ARHGAP42: variants seen among roughly 807,000 people sequenced by gnomAD.
ARHGAP42 encodes Rho GTPase activating protein 42, also known as rho GTPase-activating protein 42.
ARHGAP42 carries 63 observed loss-of-function variants against 125.0 expected under a neutral mutation model. That is an observed-to-expected ratio of 0.50 (90% CI 0.41 to 0.62). ARHGAP42 has a LOEUF of 0.62. Ranked by LOEUF, ARHGAP42 falls within the 20% of genes least tolerant of loss-of-function variation. The pLI is 0.00. For synonymous variants in ARHGAP42, 339 were observed against 351.0 expected (o/e 0.97, Z 0.38); for missense variants, 766 against 1,024.2 (o/e 0.75, Z 3.44).
intron 1 of ARHGAP42, among the ~76,000 whole-genome samples, chr11:100,692,244 C>T (rs1282422648): frequency 6.6e-6 from 1 of 151,998 alleles, no homozygotes; most frequent in Non-Finnish European, 1.5e-5. Context: ...ATAATGGACT[C>T]TTGTATACAT....
intron 1 of ARHGAP42, among the ~76,000 whole-genome samples, chr11:100,731,841 C>G (rs1861963809): frequency 6.6e-6 from 1 of 152,152 alleles, no homozygotes; most frequent in South Asian, 2.1e-4. Context: ...CACACAGAGC[C>G]CTTCCCTCAC....
intron 4 of ARHGAP42, among the ~76,000 whole-genome samples, chr11:100,897,636 CTGTT>C (rs556536886): frequency 3.0e-4 from 46 of 152,210 alleles, no homozygotes; most frequent in African/African-American, 9.2e-4. Flanking sequence ...ATTTGGCTCT[CTGTT>C]TGTCTGTAAT....
chr11:100,844,209 C>T (rs1332308798), intron 3 of ARHGAP42, among the ~76,000 whole-genome samples: 1 of 151,962 alleles, frequency 6.6e-6, no homozygotes, highest in Non-Finnish European at 1.5e-5. Flanking sequence ...AAGGACACCC[C>T]ATTGAACAAA....
intron 1 of ARHGAP42, among the ~76,000 whole-genome samples, chr11:100,760,125 T>C (rs945549780): frequency 2.6e-5 from 4 of 152,184 alleles, no homozygotes; most frequent in Middle Eastern, 3.2e-3. Flanking sequence ...TATCTTAATG[T>C]TATTGTAGCC....
At chr11:100,895,007 A>G (rs933635959) in intron 4 of ARHGAP42, among the ~76,000 whole-genome samples, 1 of 152,168 alleles carries the variant, frequency 6.6e-6, no homozygotes, top group Non-Finnish European at 1.5e-5. Context: ...GGACCACCAT[A>G]AAAATAACTG....
At chr11:100,875,761 CG>C (rs66825732) in intron 4 of ARHGAP42, among the ~76,000 whole-genome samples, 34,647 of 151,714 alleles carry the variant, frequency 0.23, 4,024 homozygotes, top group African/African-American at 0.29. Flanking sequence ...TCCAGGGTGG[CG>C]GGGGGTGACT....
At chr11:100,911,411 A>G (rs1269240791) in intron 4 of ARHGAP42, among the ~76,000 whole-genome samples, 3 of 152,192 alleles carry the variant, frequency 2.0e-5, no homozygotes, top group Admixed American at 2.0e-4. Context: ...TGAGCATTCA[A>G]AAAGGAGAGA....
rs184260587 is a variant in ARHGAP42 at position 100,749,684 on chromosome 11, C to T, written c.155-20659C>T. On this transcript the variant is annotated intron_variant, in intron 1 of 23. Coordinates refer to ENST00000298815, the MANE Select transcript of ARHGAP42 (RefSeq NM_152432.4). ...ATAGGCGTACCGATATAACTTCCAC[C>T]GCAGGATCTGCCTTAAGCCATATGA... is the stretch of plus-strand genomic sequence containing the variant. Among the ~76,000 whole-genome samples, 306 of 152,280 alleles carry T rather than the reference C, an allele frequency of 2.0e-3. 2 individuals are homozygous for T. The highest frequency in any genetic ancestry group is 5.0e-3 in the Admixed American group (76 of 15,300).
At chr11:100,894,504 T>G (rs1255852219) in intron 4 of ARHGAP42, among the ~76,000 whole-genome samples, 1 of 152,178 alleles carries the variant, frequency 6.6e-6, no homozygotes, top group East Asian at 1.9e-4. Flanking sequence ...TATATTTTTG[T>G]GACTGAAAAT....
chr11:100,829,266 G>A (rs1251847403), intron 3 of ARHGAP42, among the ~76,000 whole-genome samples: 4 of 151,934 alleles, frequency 2.6e-5, no homozygotes, highest in Admixed American at 6.6e-5. Context: ...AGGCCAAGGC[G>A]GGAGGATCAC....
intron 4 of ARHGAP42, among the ~76,000 whole-genome samples, chr11:100,875,471 G>C (rs1448224830): frequency 6.6e-6 from 1 of 152,160 alleles, no homozygotes; most frequent in Non-Finnish European, 1.5e-5. Flanking sequence ...CTTGACCTTG[G>C]TCAGACATTG....
At chr11:100,752,603 T>A (rs1467518150) in intron 1 of ARHGAP42, among the ~76,000 whole-genome samples, 7 of 152,168 alleles carry the variant, frequency 4.6e-5, no homozygotes, top group Non-Finnish European at 5.9e-5. Context: ...TGGTGCTGGG[T>A]AATGTCTGCA....
At chr11:100,817,270 C>A (rs1246447292) in intron 3 of ARHGAP42, among the ~76,000 whole-genome samples, 1 of 152,090 alleles carries the variant, frequency 6.6e-6, no homozygotes, top group African/African-American at 2.4e-5. Context: ...TTGTGACAAC[C>A]CAACACGTCT....
At chr11:100,869,300 A>G (rs1455495399) in intron 4 of ARHGAP42, among the ~76,000 whole-genome samples, 2 of 152,154 alleles carry the variant, frequency 1.3e-5, no homozygotes, top group African/African-American at 4.8e-5. Context: ...CAAGAGGTGA[A>G]TATATACTGT....
intron 2 of ARHGAP42, among the ~76,000 whole-genome samples, chr11:100,777,906 G>A (rs1241156491): frequency 6.6e-6 from 1 of 152,072 alleles, no homozygotes; most frequent in Non-Finnish European, 1.5e-5. Context: ...AACTGGGCGG[G>A]GTGTGATAGT....
At chr11:100,799,501 A>G (rs1298796290) in intron 3 of ARHGAP42, among the ~76,000 whole-genome samples, 1 of 152,200 alleles carries the variant, frequency 6.6e-6, no homozygotes, top group Non-Finnish European at 1.5e-5. Context: ...AAAGAAGTCT[A>G]ACTTCCACAG....
intron 10 of ARHGAP42, among the ~76,000 whole-genome samples, chr11:100,947,920 C>T (rs939037233): frequency 5.6e-4 from 85 of 151,908 alleles, no homozygotes; most frequent in African/African-American, 1.9e-3. Flanking sequence ...AGAATGACTG[C>T]ATGGGAGAGA....
intron 6 of ARHGAP42, among the ~76,000 whole-genome samples, chr11:100,926,184 G>T (rs1384018596): frequency 6.6e-6 from 1 of 152,162 alleles, no homozygotes; most frequent in Non-Finnish European, 1.5e-5. Context: ...TACTTAGTTG[G>T]ACTGATGTTT....
In ARHGAP42 at chr11:100,993,115, C is replaced by G. The variant is rs572686872; in HGVS notation, c.*4314C>G. 11 of 176,266 alleles carry G rather than the reference C, an allele frequency of 6.2e-5. No individual in the cohort carries two copies. The South Asian group carries it at 1.8e-3, about 29-fold the overall frequency. 10.9% of individuals were successfully genotyped at this position (176,266 alleles called of 1,614,324 possible). On this transcript the variant is annotated 3_prime_UTR_variant, in exon 24 of 24. Coordinates refer to ENST00000298815, the MANE Select transcript of ARHGAP42 (RefSeq NM_152432.4). ...TGGAGGAGGCAGGGGCTGAAGGTGT[C>G]AAAACCTCCTCAGTAGGATAACCCC...
Sources: gnomAD v4.1 joint callset for allele counts (sites outside exome capture counted in the v4.1 genomes callset) on GRCh38, gnomAD v4.1.1 for gene constraint, MANE v1.5 for transcripts, NCBI Gene and HGNC (gene_info 2026-07-23, HGNC 2026-07-21) for gene names.